Variants in THSD7B observed in about 807,000 individuals in gnomAD.
The protein encoded by THSD7B is thrombospondin type 1 domain containing 7B.
A neutral mutation model predicts 213.6 loss-of-function variants in THSD7B; 138 were observed. The observed-to-expected ratio is 0.65, with a 90% CI of 0.56 to 0.74. The LOEUF is 0.74. Ranked by LOEUF, THSD7B falls within the 30% of genes least tolerant of loss-of-function variation. The pLI is 0.00. For missense variants in THSD7B, 1,931 were observed against 1,991.5 expected, an observed-to-expected ratio of 0.97 and a Z score of 0.58; for synonymous variants, 742 against 687.0, an observed-to-expected ratio of 1.08 and a Z score of -1.25.
At chr2:137,024,836 T>C (rs1686515710) in intron 2 of THSD7B, among the ~76,000 whole-genome samples, 1 of 152,176 alleles carries the variant, frequency 6.6e-6, no homozygotes, top group Non-Finnish European at 1.5e-5. Context: ...CATTTTTGCC[T>C]TGCTGACAAT....
Position 137,067,795 on chromosome 2 carries a change from G to C in THSD7B, c.950+10565G>C, listed in dbSNP as rs74473038. On this transcript the variant is annotated intron_variant, in intron 3 of 27. Coordinates refer to ENST00000409968, the MANE Select transcript of THSD7B (RefSeq NM_001316349.2). Reference sequence around the variant, plus strand: ...TGTGAGGGCAGAACCAAGAAAAACAGAATTCTCTTGGTGTCTTTCAAAATG... The same window carrying C: ...TGTGAGGGCAGAACCAAGAAAAACACAATTCTCTTGGTGTCTTTCAAAATG... Among the ~76,000 whole-genome samples the C allele has an allele frequency of 3.4e-3, 510 of 152,108 alleles. 7 individuals carry two copies. The East Asian group carries it at 0.042, about 13-fold the overall frequency.
At chr2:137,356,522 G>A (rs547790475) in intron 12 of THSD7B, among the ~76,000 whole-genome samples, 49 of 152,252 alleles carry the variant, frequency 3.2e-4, no homozygotes, top group African/African-American at 8.4e-4. Flanking sequence ...TATTTATGCC[G>A]TTGATGTAGT....
chr2:137,207,968 T>C (rs1681020891), intron 7 of THSD7B, among the ~76,000 whole-genome samples: 1 of 152,058 alleles, frequency 6.6e-6, no homozygotes, highest in Non-Finnish European at 1.5e-5. Context: ...CAAGTGGAAG[T>C]GTTCCCAGAC....
chr2:137,516,699 T>A (rs1296983562), intron 15 of THSD7B, among the ~76,000 whole-genome samples: 1 of 127,764 alleles, frequency 7.8e-6, no homozygotes, highest in Non-Finnish European at 1.6e-5. Context: ...AGTGCCAGAA[T>A]GCATAATTGC....
intron 4 of THSD7B, among the ~76,000 whole-genome samples, chr2:137,103,434 A>G (rs925807093): frequency 2.6e-5 from 4 of 152,174 alleles, no homozygotes; most frequent in African/African-American, 7.2e-5. Flanking sequence ...AAAACATACC[A>G]AGTTGTAAAG....
At chr2:137,320,068 C>A (rs1260444610) in intron 12 of THSD7B, among the ~76,000 whole-genome samples, 3 of 152,138 alleles carry the variant, frequency 2.0e-5, no homozygotes, top group African/African-American at 7.2e-5. Flanking sequence ...GAGCACTTAT[C>A]ATTAGATTTC....
chr2:137,268,488 A>G (rs189776360), intron 10 of THSD7B, among the ~76,000 whole-genome samples: 150 of 152,196 alleles, frequency 9.9e-4, no homozygotes, highest in African/African-American at 3.1e-3. Flanking sequence ...GATATGCTCA[A>G]CAAGGTGGGG....
At chr2:136,785,280 C>T (rs1466724804) in intron 1 of THSD7B, among the ~76,000 whole-genome samples, 2 of 152,148 alleles carry the variant, frequency 1.3e-5, no homozygotes, top group Admixed American at 1.3e-4. Context: ...GCTGCTTGCT[C>T]TGTCAAAACC....
At position 137,413,147 on chromosome 2, in the gene THSD7B, A is replaced by T. The variant is rs1026270189; in HGVS notation, c.2959+1275A>T. On this transcript the variant is annotated intron_variant, in intron 14 of 27. Transcript: ENST00000409968. ...TAATGACTTTTAAATTAATACTCTCATTGCTTTATATAGGCTTCCTAGATT... is the reference window on the plus strand; with the variant it reads ...TAATGACTTTTAAATTAATACTCTCTTTGCTTTATATAGGCTTCCTAGATT... Among the ~76,000 whole-genome samples, 6 of 152,306 alleles carry T rather than the reference A, an allele frequency of 3.9e-5. 1 individual carries two copies. Among genetic ancestry groups the T allele is most frequent in the Non-Finnish European group, 7.4e-5 (5 of 68,020 alleles).
chr2:137,399,119 T>C (rs1053768906), intron 12 of THSD7B, among the ~76,000 whole-genome samples: 3 of 151,682 alleles, frequency 2.0e-5, no homozygotes, highest in Non-Finnish European at 2.9e-5. Flanking sequence ...AGAAATCACC[T>C]GTCTTCTGCG....
At chr2:137,041,574 A>G (rs1324955747) in intron 2 of THSD7B, among the ~76,000 whole-genome samples, 1 of 150,424 alleles carries the variant, frequency 6.6e-6, no homozygotes, top group Non-Finnish European at 1.5e-5. Flanking sequence ...ATATACTAAC[A>G]AAAACTACAT....
rs532231308 is a variant in THSD7B, at chr2:137,077,907, A to G, written c.951-16966A>G. The stretch of plus-strand genomic sequence containing the variant: ...AGACATGAAGTCCTTGTCCATGCCT[A>G]TGTCCTGAATGGTATTGCCTAGGTT... On this transcript the variant is annotated intron_variant, in intron 3 of 27. Transcript: ENST00000409968. Among the ~76,000 whole-genome samples, 214 of 152,226 alleles carry G rather than the reference A, an allele frequency of 1.4e-3. 1 individual carries two copies. Among genetic ancestry groups the G allele is most frequent in the African/African-American group, 4.9e-3 (204 of 41,518 alleles).
intron 12 of THSD7B, among the ~76,000 whole-genome samples, chr2:137,281,717 G>T (rs62171118): frequency 2.0e-4 from 30 of 151,990 alleles, no homozygotes; most frequent in East Asian, 5.8e-4. Flanking sequence ...TCCATGTCCC[G>T]ACAAAGGACA....
chr2:137,268,374 A>G (rs1035937238), intron 10 of THSD7B, among the ~76,000 whole-genome samples: 3 of 151,338 alleles, frequency 2.0e-5, no homozygotes, highest in South Asian at 2.1e-4. Flanking sequence ...TCATTGTTCA[A>G]TTCCCACCTA....
At chr2:137,103,750 A>G (rs1483459882) in intron 4 of THSD7B, among the ~76,000 whole-genome samples, 1 of 152,158 alleles carries the variant, frequency 6.6e-6, no homozygotes, top group East Asian at 1.9e-4. Flanking sequence ...TCTCTGATAA[A>G]ACAGACTTTA....
intron 7 of THSD7B, among the ~76,000 whole-genome samples, chr2:137,178,002 C>T (rs780511874): frequency 5.0e-5 from 7 of 140,604 alleles, no homozygotes; most frequent in Admixed American, 3.9e-4. Flanking sequence ...ACCTGGGAGG[C>T]GGAGGTTGCA....
At chr2:137,327,516 C>T (rs1684398513) in intron 12 of THSD7B, among the ~76,000 whole-genome samples, 1 of 152,028 alleles carries the variant, frequency 6.6e-6, no homozygotes, top group South Asian at 2.1e-4. Flanking sequence ...TCTCTATCTC[C>T]TCTATCTTCC....
intron 3 of THSD7B, among the ~76,000 whole-genome samples, chr2:137,078,550 G>A (rs1041708337): frequency 7.2e-5 from 11 of 151,882 alleles, no homozygotes; most frequent in African/African-American, 2.4e-4. Context: ...TAATTTTTTA[G>A]CAGGATTATG....
At chr2:137,421,214 T>C (rs2105026459) in intron 14 of THSD7B, among the ~76,000 whole-genome samples, 1 of 152,182 alleles carries the variant, frequency 6.6e-6, no homozygotes, top group Middle Eastern at 3.4e-3. Context: ...TGGGAGTTTT[T>C]CCCCCACACA....
Sources: allele counts gnomAD v4.1 joint callset (sites outside exome capture counted in the v4.1 genomes callset), GRCh38; gene constraint gnomAD v4.1.1; transcripts MANE v1.5; gene names NCBI Gene and HGNC (gene_info 2026-07-23, HGNC 2026-07-21).